Variants in HFM1 observed in about 807,000 individuals in gnomAD.
HFM1 encodes the protein probable ATP-dependent DNA helicase HFM1.
HFM1 carries 169 observed loss-of-function variants against 192.1 expected under a neutral mutation model. That is an observed-to-expected ratio of 0.88 (90% CI 0.78 to 1.00). HFM1 has a LOEUF of 1.00. Ranked by LOEUF, HFM1 falls within the 50% of genes least tolerant of loss-of-function variation. The pLI, the probability that HFM1 is intolerant of heterozygous loss-of-function variation, is 0.00. For missense variants in HFM1, 1,661 were observed against 1,668.0 expected (o/e 1.00, Z 0.07); for synonymous variants, 525 against 537.8 (o/e 0.98, Z 0.33).
chr1:91,268,450 A>G (rs1665969968), intron 34 of HFM1, among the ~76,000 whole-genome samples: 1 of 151,972 alleles, frequency 6.6e-6, no homozygotes. Flanking sequence ...CACTTCTCTC[A>G]TTTATTAGTT....
At chr1:91,367,210 A>G (rs1347885171) in intron 13 of HFM1, among the ~76,000 whole-genome samples, 1 of 152,218 alleles carries the variant, frequency 6.6e-6, no homozygotes, top group Non-Finnish European at 1.5e-5. Context: ...AAGGCAGCAG[A>G]AACCTCTGCA....
Position 91,394,405 on chromosome 1 carries a change from A to G in HFM1, c.185-3T>C, listed in dbSNP as rs1440028011. On this transcript the variant is annotated splice_polypyrimidine_tract_variant and splice_region_variant and intron_variant, in intron 3 of 38. Coordinates refer to ENST00000370425, the MANE Select transcript of HFM1 (RefSeq NM_001017975.6). ...CATTTTTGGCCTCTTTTCCTGACCT[A>G]CAAAAAAGGAATATCTTAATTATTA... 1 of 1,423,194 alleles carries G rather than the reference A, an allele frequency of 7.0e-7. No homozygotes were observed. The highest frequency in any genetic ancestry group is 2.3e-5 in the East Asian group (1 of 43,470). The allele number at this position is 1,423,194 out of a possible 1,614,324, so 88.2% of individuals were successfully genotyped here.
chr1:91,387,888 C>T (rs1662435086), intron 4 of HFM1, among the ~76,000 whole-genome samples: 1 of 126,724 alleles, frequency 7.9e-6, no homozygotes, highest in Admixed American at 8.8e-5. Context: ...GCACAATGTG[C>T]ACATGTACCC....
chr1:91,284,528 C>G (rs1667762547), intron 30 of HFM1, among the ~76,000 whole-genome samples: 1 of 152,132 alleles, frequency 6.6e-6, no homozygotes, highest in South Asian at 2.1e-4. Context: ...GTTGAGATTA[C>G]AGGTGTGAGC....
intron 30 of HFM1, among the ~76,000 whole-genome samples, chr1:91,297,422 C>T (rs1647825387): frequency 6.6e-6 from 1 of 151,552 alleles, no homozygotes; most frequent in Admixed American, 6.6e-5. Context: ...ATGTCCCTGT[C>T]TGACAGCTTT....
rs760966045 is a variant in HFM1, at chr1:91,379,178, T to C, written c.1043A>G (p.Asp348Gly). ...TGGTCCAAATTTTTCTTTCCAGTCA[T>C]CAAAACGCTGACTGCACAAGGCTTT... ...PIKALCSQRF[D>G]DWKEKFGPIG... The change falls in exon 9 of 39, where the codon GAT becomes GGT. Residue 348 changes from aspartate to glycine, a missense_variant. Transcript: ENST00000370425. 30 of 1,609,888 alleles carry C rather than the reference T, an allele frequency of 1.9e-5. No individual in the cohort carries two copies. The highest frequency in any genetic ancestry group is 2.4e-5 in the Non-Finnish European group (28 of 1,177,760).
intron 23 of HFM1, among the ~76,000 whole-genome samples, chr1:91,320,845 T>A (rs1651984402): frequency 1.3e-5 from 2 of 152,144 alleles, no homozygotes; most frequent in Admixed American, 1.3e-4. Context: ...CCACCTCAAC[T>A]AACAGGGGCA....
intron 13 of HFM1, among the ~76,000 whole-genome samples, chr1:91,365,882 G>A (rs1659231921): frequency 6.7e-6 from 1 of 149,824 alleles, no homozygotes; most frequent in Admixed American, 6.7e-5. Context: ...GTTGAAAGAA[G>A]TTAAGTAATA....
At chr1:91,353,943 C>CA (rs1433635896) in intron 13 of HFM1, among the ~76,000 whole-genome samples, 5 of 144,998 alleles carry the variant, frequency 3.4e-5, no homozygotes, top group Non-Finnish European at 6.1e-5. Flanking sequence ...AAAAACCAAC[C>CA]AAAAAACCAG....
intron 30 of HFM1, among the ~76,000 whole-genome samples, chr1:91,284,496 C>A (rs1358320660): frequency 6.6e-6 from 1 of 152,086 alleles, no homozygotes; most frequent in African/African-American, 2.4e-5. Flanking sequence ...AGGTGATCTG[C>A]CTGCCTTCGG....
In HFM1 at chr1:91,379,184, C is replaced by T. The variant is rs766605643; in HGVS notation, c.1037G>A (p.Arg346His). 1.4e-5 allele frequency: 23 copies of T among 1,608,892 alleles called. No individual in the cohort carries two copies. Among genetic ancestry groups the T allele is most frequent in the Non-Finnish European group, 1.8e-5 (21 of 1,177,552 alleles). The change falls in exon 9 of 39, where the codon CGT becomes CAT. Residue 346 changes from arginine (R) to histidine (H), a missense_variant. Physicochemically the swap from Arg to His is conservative, Grantham distance 29. Transcript: ENST00000370425. Reference sequence around the variant, plus strand: ...AAATTTTTCTTTCCAGTCATCAAAACGCTGACTGCACAAGGCTTTTATTGG... The same window carrying T: ...AAATTTTTCTTTCCAGTCATCAAAATGCTGACTGCACAAGGCTTTTATTGG... Reference protein sequence around the residue: ...MAPIKALCSQRFDDWKEKFGP... With the variant: ...MAPIKALCSQHFDDWKEKFGP...
chr1:91,329,233 C>T lies in HFM1; in HGVS notation c.2336-4467G>A, dbSNP rs1389631706. Reference sequence around the variant, plus strand: ...GAGGCTTACCAGCTCTTCTTGGAACCTGAGGTGCTGGGCCCAGAGTCTGTG... The same window carrying T: ...GAGGCTTACCAGCTCTTCTTGGAACTTGAGGTGCTGGGCCCAGAGTCTGTG... On this transcript the variant is annotated intron_variant, in intron 20 of 38. Coordinates refer to ENST00000370425, the MANE Select transcript of HFM1 (RefSeq NM_001017975.6). 3 of 1,609,766 alleles carry T rather than the reference C, an allele frequency of 1.9e-6. No individual in the cohort carries two copies. The East Asian group carries it at 6.7e-5, about 36-fold the overall frequency.
chr1:91,269,814 T>C (rs903568790), intron 34 of HFM1, among the ~76,000 whole-genome samples: 2 of 152,080 alleles, frequency 1.3e-5, no homozygotes, highest in South Asian at 2.1e-4. Flanking sequence ...AGGGAACCTA[T>C]GCTATGAAGG....
At chr1:91,376,568 ATAAGT>A (rs1428176351) in intron 11 of HFM1, among the ~76,000 whole-genome samples, 2 of 152,136 alleles carry the variant, frequency 1.3e-5, no homozygotes, top group South Asian at 2.1e-4. Flanking sequence ...TTGCTTACAA[ATAAGT>A]TAAGAAAAAT....
chr1:91,347,623 T>C (rs920109844), intron 18 of HFM1, 147 bp from the exon 19 acceptor site: 2 of 447,758 alleles, frequency 4.5e-6, no homozygotes, highest in Non-Finnish European at 8.2e-6. Flanking sequence ...GGCTTAAATA[T>C]CCACAGAAAC....
chr1:91,378,585 C>T, intron 9 of HFM1, 105 bp from the exon 10 acceptor site: 1 of 640,996 alleles, frequency 1.6e-6, no homozygotes, highest in East Asian at 2.9e-5. Context: ...AAATAATAGG[C>T]AATTTTGGTT....
rs1553213572 is a variant in HFM1 at position 91,353,652 on chromosome 1, CAAA to C, written c.1686-356_1686-354del. 6.3e-3 allele frequency among the ~76,000 whole-genome samples: 409 copies of C among 65,436 alleles called. 2 individuals are homozygous for C. Among genetic ancestry groups the C allele is most frequent in the African/African-American group, 0.017 (332 of 19,618 alleles). The allele number at this position is 65,436 out of a possible 152,430, so 42.9% of individuals were successfully genotyped here. ...AACTACTATATTACTAGTAAATAAG[CAAA>C]AAAAAAAAAAAAAAAAACATGGAAA... is the stretch of plus-strand genomic sequence containing the variant. On this transcript the variant is annotated intron_variant, in intron 13 of 38. Transcript: ENST00000370425.
chr1:91,281,776 G>A (rs1297509026), intron 30 of HFM1, among the ~76,000 whole-genome samples: 1 of 152,096 alleles, frequency 6.6e-6, no homozygotes, highest in African/African-American at 2.4e-5. Flanking sequence ...ACCCAGGCTG[G>A]AGTGCAGGTG....
intron 19 of HFM1, among the ~76,000 whole-genome samples, chr1:91,345,392 G>C (rs894128129): frequency 6.6e-6 from 1 of 152,160 alleles, no homozygotes; most frequent in Non-Finnish European, 1.5e-5. Flanking sequence ...AAAGTGATAA[G>C]AGATGTAGTT....
Sources: gnomAD v4.1 joint callset for allele counts (sites outside exome capture counted in the v4.1 genomes callset) on GRCh38, gnomAD v4.1.1 for gene constraint, MANE v1.5 for transcripts, NCBI Gene and HGNC (gene_info 2026-07-23, HGNC 2026-07-21) for gene names.